ITPR2: variants seen among roughly 807,000 people sequenced by gnomAD.
ITPR2 encodes inositol 1,4,5-trisphosphate-gated calcium channel ITPR2.
ITPR2 carries 207 observed loss-of-function variants against 317.1 expected under a neutral mutation model. The observed-to-expected ratio is 0.65, with a 90% CI of 0.58 to 0.73. The LOEUF (loss-of-function observed/expected upper bound fraction) is 0.73, where lower values mean the gene tolerates loss of function less well. Among genes scored for constraint, ITPR2 ranks in the 30% least tolerant of loss-of-function variants. The probability of loss-of-function intolerance (pLI) is 0.00; values close to 1 mark genes in which losing one functional copy is unlikely to be tolerated. For synonymous variants in ITPR2, 1,156 were observed against 1,149.1 expected (o/e 1.01, Z -0.12); for missense variants, 2,613 against 3,284.0 (o/e 0.80, Z 4.99).
intron 37 of ITPR2, among the ~76,000 whole-genome samples, chr12:26,499,649 G>T (rs957701313): frequency 2.0e-5 from 3 of 152,132 alleles, no homozygotes; most frequent in Non-Finnish European, 4.4e-5. Context: ...ATATTATCCA[G>T]ATCATGGGAA....
chr12:26,379,624 C>G (rs1309481543), intron 55 of ITPR2, among the ~76,000 whole-genome samples: 1 of 152,128 alleles, frequency 6.6e-6, no homozygotes, highest in African/African-American at 2.4e-5. Flanking sequence ...ATTTATCTGC[C>G]CTAGTCTGCC....
At position 26,577,530 on chromosome 12, in the gene ITPR2, T is replaced by C. The variant is rs542195226; in HGVS notation, c.4630+1183A>G. On this transcript the variant is annotated intron_variant, in intron 34 of 56. Coordinates refer to ENST00000381340, the MANE Select transcript of ITPR2 (RefSeq NM_002223.4). ...AGATGTTTAATGTTTTTGTTGCTAT[T>C]GATAATGACGTCTTTTTCATATTAC... Among the ~76,000 whole-genome samples the C allele has an allele frequency of 1.8e-4, 27 of 152,352 alleles. 1 individual carries two copies. The South Asian group carries it at 5.4e-3, about 30-fold the overall frequency.
chr12:26,571,437 AC>A, intron 34 of ITPR2, among the ~76,000 whole-genome samples: 1 of 152,284 alleles, frequency 6.6e-6, no homozygotes, highest in African/African-American at 2.4e-5. Context: ...CTTTCCCAAA[AC>A]CCTTATAACT....
At chr12:26,454,297 C>A (rs1333418435) in intron 45 of ITPR2, among the ~76,000 whole-genome samples, 1 of 152,024 alleles carries the variant, frequency 6.6e-6, no homozygotes, top group African/African-American at 2.4e-5. Flanking sequence ...CTCTGCCTCC[C>A]GGGTTCAAGT....
intron 5 of ITPR2, among the ~76,000 whole-genome samples, chr12:26,719,797 T>C (rs12823128): frequency 0.33 from 49,410 of 152,020 alleles, 10,383 homozygotes; most frequent in Non-Finnish European, 0.48. Flanking sequence ...ACACTTTTTC[T>C]AAAACGCAAA....
At chr12:26,467,213 T>A (rs920770348) in intron 45 of ITPR2, among the ~76,000 whole-genome samples, 1 of 152,132 alleles carries the variant, frequency 6.6e-6, no homozygotes, top group South Asian at 2.1e-4. Context: ...CTCAAGCAAT[T>A]GTAGTTAGTT....
intron 37 of ITPR2, among the ~76,000 whole-genome samples, chr12:26,504,330 A>G (rs1328303792): frequency 6.6e-6 from 1 of 152,226 alleles, no homozygotes; most frequent in African/African-American, 2.4e-5. Context: ...CCTCTAAGTC[A>G]TTGCTCACTT....
intron 37 of ITPR2, among the ~76,000 whole-genome samples, chr12:26,509,491 G>A (rs1158402880): frequency 6.6e-6 from 1 of 152,136 alleles, no homozygotes; most frequent in Non-Finnish European, 1.5e-5. Context: ...CATCTCTTAA[G>A]GAAAATAATG....
intron 21 of ITPR2, among the ~76,000 whole-genome samples, chr12:26,641,237 T>TAAA (rs201661089): frequency 6.9e-6 from 1 of 144,244 alleles, no homozygotes; most frequent in Non-Finnish European, 1.5e-5. Flanking sequence ...ATTCTTTGTT[T>TAAA]AAAAAAAAAA....
chr12:26,643,623 T>C (rs544469491), intron 21 of ITPR2, among the ~76,000 whole-genome samples: 16 of 152,260 alleles, frequency 1.1e-4, no homozygotes, highest in African/African-American at 3.6e-4. Context: ...CAGATAGAAA[T>C]GAGGAACATC....
Position 26,338,566 on chromosome 12 carries a change from C to T in ITPR2, c.*831G>A, listed in dbSNP as rs1359738595. On this transcript the variant is annotated 3_prime_UTR_variant, in exon 57 of 57. Transcript: ENST00000381340. ...TTTAAGCATTTTCATGTATTAATCT[C>T]AATATATTTTAATAGCATACATATG... 1 of 152,324 alleles carries T rather than the reference C, an allele frequency of 6.6e-6. No individual in the cohort carries two copies. The highest frequency in any genetic ancestry group is 2.4e-5 in the African/African-American group (1 of 41,436). The allele number at this position is 152,324 out of a possible 1,614,324, so 9.4% of individuals were successfully genotyped here.
intron 50 of ITPR2, 70 bp from the exon 51 acceptor site, chr12:26,415,568 A>G: frequency 9.1e-7 from 1 of 1,102,472 alleles, no homozygotes; most frequent in Admixed American, 2.7e-5. Context: ...ACAAAAATAT[A>G]ATTACAAATA....
intron 2 of ITPR2, among the ~76,000 whole-genome samples, chr12:26,740,884 T>C (rs1010848451): frequency 6.6e-6 from 1 of 152,230 alleles, no homozygotes; most frequent in Non-Finnish European, 1.5e-5. Flanking sequence ...TTTCAAAAGA[T>C]GTAAATAAGA....
rs373808385 is a variant in ITPR2, at chr12:26,487,264, A to G, written c.5371-13T>C. 2.5e-6 allele frequency: 4 copies of G among 1,574,978 alleles called. No homozygotes were observed. The highest frequency in any genetic ancestry group is 1.4e-5 in the African/African-American group (1 of 73,024). ...GGTAGAAAGAATACTGCAAGAAAAC[A>G]TATTTTAAGACATCAATACCCAAGG... On this transcript the variant is annotated splice_polypyrimidine_tract_variant and intron_variant, in intron 39 of 56. Transcript: ENST00000381340.
At chr12:26,707,897 C>CA (rs11362693) in intron 9 of ITPR2, among the ~76,000 whole-genome samples, 45 of 146,436 alleles carry the variant, frequency 3.1e-4, no homozygotes, top group African/African-American at 6.5e-4. Context: ...ACTCAACAGA[C>CA]AAAAAAAAAA....
chr12:26,656,739 T>G (rs1054381825), intron 18 of ITPR2, among the ~76,000 whole-genome samples, 191 bp from the exon 19 acceptor site: 2 of 152,200 alleles, frequency 1.3e-5, no homozygotes, highest in East Asian at 3.8e-4. Flanking sequence ...TGTCTCTATG[T>G]CCCTTCAGTT....
intron 48 of ITPR2, among the ~76,000 whole-genome samples, chr12:26,435,708 T>C (rs74432451): frequency 1.3e-5 from 2 of 152,216 alleles, no homozygotes; most frequent in African/African-American, 2.4e-5. Flanking sequence ...TATTATATTG[T>C]CTTATGCTGT....
At chr12:26,443,687 T>C (rs1242210021) in intron 45 of ITPR2, 37 bp from the exon 46 acceptor site, 1 of 1,527,168 alleles carries the variant, frequency 6.5e-7, no homozygotes, top group Non-Finnish European at 9.1e-7. Flanking sequence ...TAGGTCTTCT[T>C]TTCCCCTTTC....
chr12:26,568,209 T>G (rs1265591962), intron 34 of ITPR2, among the ~76,000 whole-genome samples: 1 of 151,088 alleles, frequency 6.6e-6, no homozygotes, highest in Non-Finnish European at 1.5e-5. Context: ...TTTAAAATAT[T>G]TTTTAAAATA....
Sources: allele counts gnomAD v4.1 joint callset (sites outside exome capture counted in the v4.1 genomes callset), GRCh38; gene constraint gnomAD v4.1.1; transcripts MANE v1.5; gene names NCBI Gene and HGNC (gene_info 2026-07-23, HGNC 2026-07-21).